Variants in CPAMD8 observed in about 807,000 individuals in gnomAD.
The protein encoded by CPAMD8 is C3 and PZP-like alpha-2-macroglobulin domain-containing protein 8.
In CPAMD8, 146 loss-of-function variants were observed where a neutral mutation model predicts 224.7. That is an observed-to-expected ratio of 0.65 (90% CI 0.57 to 0.75). CPAMD8 has a LOEUF of 0.75. Among genes scored for constraint, CPAMD8 ranks in the 30% least tolerant of loss-of-function variants. The pLI is 0.00. For missense variants in CPAMD8, 2,301 were observed against 2,537.5 expected (o/e 0.91, Z 2.00); for synonymous variants, 966 against 1,044.6 (o/e 0.92, Z 1.45).
Position 16,981,402 on chromosome 19 carries a change from C to T in CPAMD8, c.1396-716G>A, listed in dbSNP as rs1247751872. Among the ~76,000 whole-genome samples the T allele has an allele frequency of 2.6e-5, 4 of 152,106 alleles. No homozygotes were observed. In the East Asian group the frequency reaches 7.7e-4, roughly 29 times the overall value. On this transcript the variant is annotated intron_variant, in intron 13 of 41. Transcript: ENST00000443236. The stretch of plus-strand genomic sequence containing the variant: ...TAAAATACTGTTTCCTAACTTTGAA[C>T]GTGCTAATGCCACAAGTGGGCTGGG...
chr19:17,009,199 G>A (rs893426412), intron 6 of CPAMD8, 104 bp downstream of exon 6: 2 of 1,598,590 alleles, frequency 1.3e-6, no homozygotes, highest in Admixed American at 1.7e-5. Flanking sequence ...AGGCACAGCG[G>A]CTCAACCCAG....
chr19:16,928,923 A>C lies in CPAMD8; in HGVS notation c.3144+19T>G, dbSNP rs200374355. ...AACATGAGGCTTCTGCACAAGCCCC[A>C]GGCAGTTCTGCTGTATACCTGGATA... On this transcript the variant is annotated intron_variant, in intron 24 of 41. Coordinates refer to ENST00000443236, the MANE Select transcript of CPAMD8 (RefSeq NM_015692.5). 1.4e-4 allele frequency: 223 copies of C among 1,570,552 alleles called. No homozygotes were observed. In the African/African-American group the frequency reaches 2.8e-3, roughly 20 times the overall value.
At chr19:16,958,752 C>A (rs1233552284) in intron 18 of CPAMD8, among the ~76,000 whole-genome samples, 1 of 152,004 alleles carries the variant, frequency 6.6e-6, no homozygotes, top group Non-Finnish European at 1.5e-5. Context: ...TGCATAGCAT[C>A]CCCTTTTCTC....
chr19:16,896,242 T>TTC lies in CPAMD8; in HGVS notation c.5358_5359dup (p.Lys1787ArgfsTer3), dbSNP rs1205478573. The TTC allele has an allele frequency of 2.2e-5, 36 of 1,613,570 alleles. No homozygotes were observed. Among genetic ancestry groups the TTC allele is most frequent in the Non-Finnish European group, 2.9e-5 (34 of 1,179,988 alleles). On this transcript the variant is annotated frameshift_variant, in exon 41 of 42. Coordinates refer to ENST00000443236, the MANE Select transcript of CPAMD8 (RefSeq NM_015692.5). LOFTEE classifies it high-confidence loss of function. Reference sequence around the variant, plus strand: ...CACCTCAAGGCCGGCTCCATTCAGCTTCACGTCCTGCTGTAAAGGCCCCGG... The same window carrying TTC: ...CACCTCAAGGCCGGCTCCATTCAGCTTCTCACGTCCTGCTGTAAAGGCCCCGG...
At chr19:16,938,571 T>C in intron 22 of CPAMD8, 125 bp from the exon 23 acceptor site, 1 of 618,710 alleles carries the variant, frequency 1.6e-6, no homozygotes, top group South Asian at 1.9e-5. Context: ...GCTTCCAGGT[T>C]TTACGTGGTA....
At chr19:16,990,505 GCTATGATCA>G (rs987299167) in intron 12 of CPAMD8, among the ~76,000 whole-genome samples, 19 of 151,970 alleles carry the variant, frequency 1.3e-4, no homozygotes, top group African/African-American at 4.6e-4. Context: ...CTGCAATTTA[GCTATGATCA>G]CACCATTGCA....
At chr19:16,973,024 C>T (rs934382252) in intron 17 of CPAMD8, among the ~76,000 whole-genome samples, 3 of 151,784 alleles carry the variant, frequency 2.0e-5, no homozygotes, top group Non-Finnish European at 2.9e-5. Flanking sequence ...AAAAAATTAG[C>T]GAGGCATGAT....
Position 16,951,956 on chromosome 19 carries a change from G to T in CPAMD8, c.2508+13C>A. 1 of 1,484,718 alleles carries T rather than the reference G, an allele frequency of 6.7e-7. No homozygotes were observed. Among genetic ancestry groups the T allele is most frequent in the Non-Finnish European group, 9.2e-7 (1 of 1,084,846 alleles). The allele number at this position is 1,484,718 out of a possible 1,614,324, so 92.0% of individuals were successfully genotyped here. ...TGAATGGAGGAAGGCTATGTATTTGGGGGGCTGAGTACCTCAGCGCAGGTG... is the reference window on the plus strand; with the variant it reads ...TGAATGGAGGAAGGCTATGTATTTGTGGGGCTGAGTACCTCAGCGCAGGTG... On this transcript the variant is annotated intron_variant, in intron 20 of 41. Transcript: ENST00000443236.
Position 16,915,827 on chromosome 19 carries a change from G to GCCTT in CPAMD8, c.3630-1018_3630-1015dup, listed in dbSNP as rs72042943. On this transcript the variant is annotated intron_variant, in intron 27 of 41. Transcript: ENST00000443236. Reference sequence around the variant, plus strand: ...AGCCTGCCCGCCTGCCCGCCTGCCTGCCTTCCTTCCTTCCTTCCTTCCCTC... The same window carrying GCCTT: ...AGCCTGCCCGCCTGCCCGCCTGCCTGCCTTCCTTCCTTCCTTCCTTCCTTCCCTC... Among the ~76,000 whole-genome samples the GCCTT allele has an allele frequency of 5.0e-4, 76 of 150,846 alleles. No individual in the cohort carries two copies. The East Asian group carries it at 9.4e-3, about 19-fold the overall frequency.
At chr19:16,992,107 G>C (rs1043141871) in intron 12 of CPAMD8, among the ~76,000 whole-genome samples, 1 of 152,148 alleles carries the variant, frequency 6.6e-6, no homozygotes, top group Admixed American at 6.6e-5. Context: ...CCAAAGCCAA[G>C]GGCTGGGACA....
In CPAMD8 at chr19:16,997,117, C is replaced by T. The variant is rs1200682907; in HGVS notation, c.1089G>A (p.Val363=). 1 of 1,605,232 alleles carries T rather than the reference C, an allele frequency of 6.2e-7. No individual in the cohort carries two copies. Among genetic ancestry groups the T allele is most frequent in the Non-Finnish European group, 8.5e-7 (1 of 1,172,110 alleles). Residue 363 remains valine (V), a synonymous_variant, in exon 11 of 42, where the codon GTG becomes GTA. Transcript: ENST00000443236. ...ACAGTCACCCCCAAGTTACCTTCCC[C>T]ACGTAGGCCAGGCCCGGCTTGAACT... The part of the protein sequence containing the change: ...RKQFKPGLAY[V]GKVELSYPDG...
chr19:16,927,685 C>CA (rs1489481058), intron 25 of CPAMD8, among the ~76,000 whole-genome samples: 1 of 152,214 alleles, frequency 6.6e-6, no homozygotes, highest in Non-Finnish European at 1.5e-5. Flanking sequence ...ACTGCCCTCA[C>CA]AGGGTTCACT....
At chr19:16,918,401 A>G (rs1462411551) in intron 27 of CPAMD8, among the ~76,000 whole-genome samples, 1 of 145,462 alleles carries the variant, frequency 6.9e-6, no homozygotes, top group African/African-American at 2.5e-5. Flanking sequence ...CATGCAGCAA[A>G]TTCAACTTTT....
At chr19:16,902,057 G>A (rs2052279973) in intron 35 of CPAMD8, among the ~76,000 whole-genome samples, 1 of 152,068 alleles carries the variant, frequency 6.6e-6, no homozygotes, top group Admixed American at 6.5e-5. Flanking sequence ...CTTAGGGTGA[G>A]GGCCCGCTGC....
At chr19:17,021,905 C>T (rs934664556) in intron 2 of CPAMD8, 125 bp downstream of exon 2, 30 of 528,802 alleles carry the variant, frequency 5.7e-5, no homozygotes, top group Middle Eastern at 1.3e-3. Context: ...CCCTCCCATG[C>T]CCCTGGGGAT....
intron 1 of CPAMD8, among the ~76,000 whole-genome samples, chr19:17,024,322 C>T (rs2123285166): frequency 6.6e-6 from 1 of 152,272 alleles, no homozygotes; most frequent in East Asian, 1.9e-4. Context: ...ATGTGCTGTC[C>T]AACTCTAGGA....
chr19:16,921,921 C>A lies in CPAMD8; in HGVS notation c.3613G>T (p.Ala1205Ser). The A allele has an allele frequency of 6.5e-7, 1 of 1,545,002 alleles. No individual in the cohort carries two copies. Among genetic ancestry groups the A allele is most frequent in the South Asian group, 1.2e-5 (1 of 84,046 alleles). The stretch of plus-strand genomic sequence containing the variant: ...GGGACTCACCACATGCTCCCCGATG[C>A]GTCCCGCTCCCCAAACGCGCTGTAG... Reference protein sequence around the residue: ...GSYSAFGERDASGSMWLTAFV... With the variant: ...GSYSAFGERDSSGSMWLTAFV... Residue 1205 changes from alanine (A) to serine (S), a missense_variant, in exon 27 of 42, where the codon GCA becomes TCA. Around this residue, in one of 4 missense-constraint regions of CPAMD8, gnomAD observed 1,709 missense variants for 1,753.2 expected, o/e 0.97. Transcript: ENST00000443236.
intron 21 of CPAMD8, among the ~76,000 whole-genome samples, chr19:16,945,911 G>T (rs1256168399): frequency 6.6e-6 from 1 of 152,186 alleles, no homozygotes; most frequent in Admixed American, 6.5e-5. Context: ...ACATGTGTTT[G>T]TGTGTACGAG....
intron 35 of CPAMD8, 104 bp from the exon 36 acceptor site, chr19:16,901,401 G>C (rs773489971): frequency 1.2e-6 from 1 of 802,988 alleles, no homozygotes; most frequent in Non-Finnish European, 2.1e-6. Context: ...GTCCCAGGAA[G>C]CCTGCCCTGG....
Sources: gnomAD v4.1 joint callset for allele counts (sites outside exome capture counted in the v4.1 genomes callset) on GRCh38, gnomAD v4.1.1 for gene constraint, gnomAD v4.1.1 regional missense constraint, MANE v1.5 for transcripts, NCBI Gene and HGNC (gene_info 2026-07-23, HGNC 2026-07-21) for gene names.